The following COL25A1 variants were observed in gnomAD, a reference collection of about 807,000 sequenced individuals.
The protein encoded by COL25A1 is collagen type XXV alpha 1 chain, also known as collagen alpha-1(XXV) chain.
Under a neutral mutation model 128.4 loss-of-function variants are expected in COL25A1, and 103 were observed. The ratio of observed to expected loss-of-function variants is 0.80; its 90% CI spans 0.68 to 0.94. The LOEUF is 0.94. Ranked by LOEUF, COL25A1 falls within the 40% of genes least tolerant of loss-of-function variation. The pLI is 0.00. For synonymous variants in COL25A1, 279 were observed against 277.2 expected, an observed-to-expected ratio of 1.01 and a Z score of -0.06; for missense variants, 745 against 840.0, an observed-to-expected ratio of 0.89 and a Z score of 1.40.
chr4:109,123,914 G>T (rs956637374), intron 3 of COL25A1, among the ~76,000 whole-genome samples: 2 of 151,834 alleles, frequency 1.3e-5, no homozygotes, highest in Non-Finnish European at 2.9e-5. Flanking sequence ...AACAAACAAG[G>T]TAAGTTTATA....
At position 108,952,465 on chromosome 4, in the gene COL25A1, T is replaced by C. The variant is rs918874517; in HGVS notation, c.493-11028A>G. ...AACAAAAATGGTGTAAAAGTGGGCT[T>C]GAATTCAGCCCCATCTGAATTTCCT... On this transcript the variant is annotated intron_variant, in intron 8 of 37. Transcript: ENST00000399132. Among the ~76,000 whole-genome samples, 3 of 152,314 alleles carry C rather than the reference T, an allele frequency of 2.0e-5. No homozygotes were observed. The East Asian group carries it at 5.8e-4, about 29-fold the overall frequency.
chr4:108,872,864 A>G (rs1350470727), intron 19 of COL25A1, among the ~76,000 whole-genome samples: 1 of 152,006 alleles, frequency 6.6e-6, no homozygotes, highest in Admixed American at 6.6e-5. Context: ...TGATTTTTAG[A>G]AATTTTTCAG....
chr4:108,949,966 A>T (rs1199755254), intron 8 of COL25A1, among the ~76,000 whole-genome samples: 2 of 152,198 alleles, frequency 1.3e-5, no homozygotes, highest in Non-Finnish European at 2.9e-5. Context: ...GGTAAACAAG[A>T]TAGACTTTAT....
intron 3 of COL25A1, among the ~76,000 whole-genome samples, chr4:109,189,319 A>G (rs1186908797): frequency 2.6e-5 from 4 of 152,024 alleles, no homozygotes; most frequent in African/African-American, 9.7e-5. Flanking sequence ...AGCCCAAGAC[A>G]GGTTGATCAC....
At position 108,845,250 on chromosome 4, in the gene COL25A1, C is replaced by G. The variant is rs1465490514; in HGVS notation, c.1517G>C (p.Gly506Ala). The G allele has an allele frequency of 5.6e-6, 9 of 1,613,092 alleles. No homozygotes were observed. The highest frequency in any genetic ancestry group is 7.6e-6 in the Non-Finnish European group (9 of 1,179,084). ...KGGIGLPGLP[G>A]ANGMKGEKGD... ...TTTTTCTCCTTTCATTCCATTGGCT[C>G]CCTATAAATAACCATTAAGCAGAGT... Residue 506 changes from glycine to alanine, a missense_variant and splice_region_variant, in exon 29 of 38, where the codon GGA becomes GCA. Physicochemically the swap from Gly to Ala is moderately conservative, Grantham distance 60 (BLOSUM62 0). This residue lies in a region of COL25A1 where 387 missense variants were observed against 441.9 expected (regional missense o/e 0.88). Coordinates refer to ENST00000399132, the MANE Select transcript of COL25A1 (RefSeq NM_198721.4).
intron 3 of COL25A1, among the ~76,000 whole-genome samples, chr4:109,077,662 C>T (rs554170996): frequency 2.0e-5 from 3 of 152,130 alleles, no homozygotes; most frequent in Admixed American, 6.5e-5. Context: ...TGATGTCAAC[C>T]GTCTGAAGGG....
intron 3 of COL25A1, among the ~76,000 whole-genome samples, chr4:109,201,543 G>A (rs1431377994): frequency 6.6e-6 from 1 of 152,140 alleles, no homozygotes; most frequent in Non-Finnish European, 1.5e-5. Context: ...ACACTTAATG[G>A]TGAGAAATTA....
At chr4:109,085,331 G>T (rs1342907223) in intron 3 of COL25A1, among the ~76,000 whole-genome samples, 1 of 152,160 alleles carries the variant, frequency 6.6e-6, no homozygotes, top group African/African-American at 2.4e-5. Flanking sequence ...CCCTTCAGAT[G>T]AAGTACAGCA....
At chr4:109,093,355 C>T (rs974842162) in intron 3 of COL25A1, among the ~76,000 whole-genome samples, 3 of 150,402 alleles carry the variant, frequency 2.0e-5, no homozygotes, top group Non-Finnish European at 2.9e-5. Flanking sequence ...TGCAGTGGCT[C>T]ATGCCTATAA....
chr4:109,291,054 CTCA>C (rs1724425514), intron 3 of COL25A1, among the ~76,000 whole-genome samples: 4 of 152,124 alleles, frequency 2.6e-5, no homozygotes, highest in Admixed American at 2.6e-4. Context: ...AAATAAATTG[CTCA>C]TCAACACTTG....
chr4:109,182,631 G>A lies in COL25A1; in HGVS notation c.367+117952C>T, dbSNP rs866692603. ...GTACTAAAGAGCCAGGAACGCCCAG[G>A]TAAGAGCTGAAAACAAAATTCATTT... On this transcript the variant is annotated intron_variant, in intron 3 of 37. Coordinates refer to ENST00000399132, the MANE Select transcript of COL25A1 (RefSeq NM_198721.4). Among the ~76,000 whole-genome samples the A allele has an allele frequency of 1.1e-4, 16 of 152,126 alleles. No individual in the cohort carries two copies. In the South Asian group the frequency reaches 1.5e-3, roughly 14 times the overall value.
chr4:109,130,688 A>G (rs978477973), intron 3 of COL25A1, among the ~76,000 whole-genome samples: 2 of 152,302 alleles, frequency 1.3e-5, no homozygotes, highest in Non-Finnish European at 2.9e-5. Context: ...GATTTAGAGG[A>G]ACCATGAGCA....
intron 6 of COL25A1, among the ~76,000 whole-genome samples, chr4:108,992,076 C>T (rs879316520): frequency 7.2e-5 from 11 of 152,172 alleles, no homozygotes; most frequent in Non-Finnish European, 1.6e-4. Flanking sequence ...CAAATGGCAG[C>T]CTCAAGCCCC....
At chr4:108,983,001 G>A (rs1225073682) in intron 6 of COL25A1, among the ~76,000 whole-genome samples, 3 of 152,166 alleles carry the variant, frequency 2.0e-5, no homozygotes, top group Non-Finnish European at 4.4e-5. Flanking sequence ...GCTCAATGGA[G>A]TTAAAGGCTT....
At chr4:109,008,878 G>A (rs1756306758) in intron 6 of COL25A1, among the ~76,000 whole-genome samples, 1 of 152,174 alleles carries the variant, frequency 6.6e-6, no homozygotes, top group Non-Finnish European at 1.5e-5. Flanking sequence ...CATTTTGGGA[G>A]GCCAAGGTGG....
intron 3 of COL25A1, among the ~76,000 whole-genome samples, chr4:109,064,068 A>C (rs1762207633): frequency 6.6e-6 from 1 of 152,222 alleles, no homozygotes; most frequent in African/African-American, 2.4e-5. Context: ...TAGGAGGTGA[A>C]TACAACAGGT....
At chr4:109,019,367 CACACACACATAT>C (rs1757499276) in intron 5 of COL25A1, among the ~76,000 whole-genome samples, 2 of 110,638 alleles carry the variant, frequency 1.8e-5, no homozygotes, top group African/African-American at 2.7e-5. Flanking sequence ...CACACACACA[CACACACACATAT>C]ATATATATAT....
At chr4:109,080,138 TTA>T (rs2125993009) in intron 3 of COL25A1, among the ~76,000 whole-genome samples, 1 of 152,266 alleles carries the variant, frequency 6.6e-6, no homozygotes, top group Admixed American at 6.5e-5. Context: ...TACTGTGCTA[TTA>T]TAGATATTAA....
intron 13 of COL25A1, among the ~76,000 whole-genome samples, chr4:108,903,455 A>T (rs1291622292): frequency 2.6e-5 from 4 of 152,020 alleles, no homozygotes; most frequent in Non-Finnish European, 4.4e-5. Context: ...TAGTTTAATC[A>T]TCTATCAAAG....
Sources: gnomAD v4.1 joint callset for allele counts (sites outside exome capture counted in the v4.1 genomes callset) on GRCh38, gnomAD v4.1.1 for gene constraint, gnomAD v4.1.1 regional missense constraint, MANE v1.5 for transcripts, NCBI Gene and HGNC (gene_info 2026-07-23, HGNC 2026-07-21) for gene names.